MPDZ: variants seen among roughly 807,000 people sequenced by gnomAD.
The protein encoded by MPDZ is multiple PDZ domain protein.
In MPDZ, 234 loss-of-function variants were observed where a neutral mutation model predicts 239.1. That is an observed-to-expected ratio of 0.98 (90% CI 0.88 to 1.09). MPDZ has a LOEUF of 1.09. Among genes scored for constraint, MPDZ ranks in the 50% least tolerant of loss-of-function variants. MPDZ has a pLI of 0.00. For synonymous variants in MPDZ, 1,048 were observed against 881.3 expected (o/e 1.19, Z -3.35); for missense variants, 3,175 against 2,510.0 (o/e 1.26, Z -5.66).
Position 13,137,966 on chromosome 9 carries a change from C to T in MPDZ, c.4191G>A (p.Glu1397=). Reference sequence around the variant, plus strand: ...TTCCACAAAAACTTACCTCTAGAAGCTCATCTGCAATTTGCAATCGACCAT... The same window carrying T: ...TTCCACAAAAACTTACCTCTAGAAGTTCATCTGCAATTTGCAATCGACCAT... The part of the protein sequence containing the change: ...GKDGRLQIAD[E]LLEINGQILY... The change falls in exon 29 of 47, where the codon GAG becomes GAA. Residue 1397 remains glutamate (E), a synonymous_variant. Transcript: ENST00000319217. The T allele has an allele frequency of 1.9e-6, 3 of 1,613,684 alleles. No homozygotes were observed. Among genetic ancestry groups the T allele is most frequent in the Non-Finnish European group, 2.5e-6 (3 of 1,179,726 alleles).
chr9:13,197,173 A>ATG (rs1354169023), intron 12 of MPDZ, among the ~76,000 whole-genome samples: 1 of 151,398 alleles, frequency 6.6e-6, no homozygotes, highest in Non-Finnish European at 1.5e-5. Context: ...ATATATATAT[A>ATG]TATTTTTAGT....
intron 32 of MPDZ, among the ~76,000 whole-genome samples, chr9:13,132,672 T>C (rs1050145392): frequency 2.6e-5 from 4 of 152,172 alleles, no homozygotes; most frequent in Non-Finnish European, 5.9e-5. Flanking sequence ...AAACTGAACA[T>C]ATGTATATTT....
At chr9:13,160,240 C>T (rs1252701389) in intron 23 of MPDZ, among the ~76,000 whole-genome samples, 3 of 152,200 alleles carry the variant, frequency 2.0e-5, no homozygotes, top group South Asian at 4.1e-4. Context: ...TTACATTCTA[C>T]ACTTGGCTCT....
At chr9:13,133,552 C>T (rs933300065) in intron 32 of MPDZ, among the ~76,000 whole-genome samples, 30 of 152,122 alleles carry the variant, frequency 2.0e-4, no homozygotes, top group African/African-American at 6.8e-4. Context: ...TATAAAAGGG[C>T]AAGCTGGACC....
chr9:13,150,779 A>G (rs1337403120), intron 24 of MPDZ, 91 bp from the exon 25 acceptor site: 1 of 809,086 alleles, frequency 1.2e-6, no homozygotes, highest in Admixed American at 4.3e-5. Context: ...CTTATATATA[A>G]CACCAAAGGC....
intron 1 of MPDZ, among the ~76,000 whole-genome samples, chr9:13,270,067 A>C (rs1313881843): frequency 6.6e-6 from 1 of 152,180 alleles, no homozygotes; most frequent in African/African-American, 2.4e-5. Context: ...AAGCATTTTA[A>C]AAGGGCTTAT....
intron 3 of MPDZ, among the ~76,000 whole-genome samples, chr9:13,238,335 C>T (rs940559248): frequency 6.6e-6 from 1 of 152,186 alleles, no homozygotes; most frequent in Non-Finnish European, 1.5e-5. Context: ...AATAAGATTA[C>T]AGTGGGGTGA....
At position 13,236,597 on chromosome 9, in the gene MPDZ, T is replaced by C. The variant is rs929691533; in HGVS notation, c.183+11038A>G. The stretch of plus-strand genomic sequence containing the variant: ...TGCCCAGCCCTCCATGTGTATTTTA[T>C]AAACTCGTTTTCTTCTTCTTTAAGA... On this transcript the variant is annotated intron_variant, in intron 3 of 46. Coordinates refer to ENST00000319217, the MANE Select transcript of MPDZ (RefSeq NM_001378778.1). Among the ~76,000 whole-genome samples, 10 of 151,826 alleles carry C rather than the reference T, an allele frequency of 6.6e-5. 1 individual carries two copies. The highest frequency in any genetic ancestry group is 1.0e-4 in the Non-Finnish European group (7 of 67,966).
intron 34 of MPDZ, among the ~76,000 whole-genome samples, chr9:13,125,639 T>G (rs1253233021): frequency 6.6e-6 from 1 of 152,142 alleles, no homozygotes; most frequent in African/African-American, 2.4e-5. Flanking sequence ...TGACCACATT[T>G]TTTTCTTATA....
At chr9:13,278,031 C>G (rs1974629622) in intron 1 of MPDZ, among the ~76,000 whole-genome samples, 1 of 152,168 alleles carries the variant, frequency 6.6e-6, no homozygotes, top group Non-Finnish European at 1.5e-5. Flanking sequence ...ATCACCTCCT[C>G]CTCGTTAGTT....
chr9:13,176,907 A>T (rs756290338), intron 19 of MPDZ, among the ~76,000 whole-genome samples: 1 of 152,166 alleles, frequency 6.6e-6, no homozygotes, highest in Non-Finnish European at 1.5e-5. Flanking sequence ...ATAGGCATTT[A>T]TAAGTATTTA....
In MPDZ at chr9:13,224,393, A is replaced by T; in HGVS notation, c.374T>A (p.Leu125His). ...TCTTACCTGGGCCATATTTTTGATA[A>T]GCTGATCAAATTCATCACAAGCAGG... The part of the protein sequence containing the change: ...GKPACDEFDQ[L>H]IKNMAQGRHV... The change falls in exon 4 of 47, where the codon CTT (leucine) becomes CAT (histidine). Residue 125 changes from leucine to histidine, a missense_variant. Leu to His is a moderately conservative substitution (Grantham distance 99). Transcript: ENST00000319217. 6.2e-7 allele frequency: 1 copy of T among 1,612,298 alleles called. No homozygotes were observed. Among genetic ancestry groups the T allele is most frequent in the Non-Finnish European group, 8.5e-7 (1 of 1,178,970 alleles).
chr9:13,186,377 C>T lies in MPDZ; in HGVS notation c.2374G>A (p.Glu792Lys). The T allele has an allele frequency of 6.4e-7, 1 of 1,564,852 alleles. No homozygotes were observed. Among genetic ancestry groups the T allele is most frequent in the Non-Finnish European group, 8.7e-7 (1 of 1,151,862 alleles). ...TCCTTAGCAGAAACATAACCTTCTT[C>T]TGGTGAAAGCTGCAGGGAAAAAATG... ...GVAKPLPLSP[E>K]EGYVSAKEDS... Residue 792 changes from glutamate (E) to lysine (K), a missense_variant, in exon 18 of 47, where the codon GAA becomes AAA. Transcript: ENST00000319217.
chr9:13,122,171 C>T lies in MPDZ; in HGVS notation c.4954-1G>A. The T allele has an allele frequency of 6.2e-7, 1 of 1,613,746 alleles. No homozygotes were observed. The highest frequency in any genetic ancestry group is 8.5e-7 in the Non-Finnish European group (1 of 1,179,778). The stretch of plus-strand genomic sequence containing the variant: ...AAACTTCATGGATAATAATGGCACC[C>T]TAAGGGCCCAAACAAAACATACCCA... On this transcript the variant is annotated splice_acceptor_variant, in intron 36 of 46. Coordinates refer to ENST00000319217, the MANE Select transcript of MPDZ (RefSeq NM_001378778.1). LOFTEE classifies it high-confidence loss of function.
chr9:13,232,916 C>A (rs1587993593), intron 3 of MPDZ, among the ~76,000 whole-genome samples: 1 of 146,044 alleles, frequency 6.8e-6, no homozygotes, highest in African/African-American at 2.5e-5. Flanking sequence ...ATCCAAATGA[C>A]CAATCCCATA....
rs188392563 is a variant in MPDZ at position 13,188,797 on chromosome 9, G to A, written c.2351C>T (p.Ala784Val). 9 of 1,613,014 alleles carry A rather than the reference G, an allele frequency of 5.6e-6. No individual in the cohort carries two copies. The East Asian group carries it at 1.8e-4, about 32-fold the overall frequency. The change falls in exon 17 of 47, where the codon GCT (alanine) becomes GTT (valine). Residue 784 changes from alanine to valine, a missense_variant. Ala to Val is a moderately conservative substitution (Grantham distance 64). Coordinates refer to ENST00000319217, the MANE Select transcript of MPDZ (RefSeq NM_001378778.1). The stretch of plus-strand genomic sequence containing the variant: ...CTGAATTCTTACGGGTAAAGGCTTA[G>A]CAACTCCTATTCTCACAGTCCCTGA... ...APSGTVRIGV[A>V]KPLPLSPEEG...
chr9:13,142,176 A>G (rs187573029), intron 27 of MPDZ, among the ~76,000 whole-genome samples: 4 of 152,288 alleles, frequency 2.6e-5, no homozygotes, highest in Admixed American at 1.3e-4. Flanking sequence ...ACAAATCTAT[A>G]GATGACATTT....
rs1210155684 is a variant in MPDZ, at chr9:13,188,800, A to G, written c.2348T>C (p.Val783Ala). The change falls in exon 17 of 47, where the codon GTT becomes GCT. Residue 783 changes from valine (V) to alanine (A), a missense_variant. By Grantham distance (64) the Val-to-Ala change is moderately conservative. Coordinates refer to ENST00000319217, the MANE Select transcript of MPDZ (RefSeq NM_001378778.1). ...GAPSGTVRIG[V>A]AKPLPLSPEE... ...AATTCTTACGGGTAAAGGCTTAGCA[A>G]CTCCTATTCTCACAGTCCCTGACGG... 6.2e-7 allele frequency: 1 copy of G among 1,612,934 alleles called. No individual in the cohort carries two copies. The highest frequency in any genetic ancestry group is 1.1e-5 in the South Asian group (1 of 91,000).
At chr9:13,221,288 T>A in intron 7 of MPDZ, 84 bp downstream of exon 7, 1 of 1,401,282 alleles carries the variant, frequency 7.1e-7, no homozygotes, top group Non-Finnish European at 9.4e-7. Flanking sequence ...AAGGCCAAAG[T>A]TTCTTCTTTC....
Sources: gnomAD v4.1 joint callset for allele counts (sites outside exome capture counted in the v4.1 genomes callset) on GRCh38, gnomAD v4.1.1 for gene constraint, MANE v1.5 for transcripts, NCBI Gene and HGNC (gene_info 2026-07-23, HGNC 2026-07-21) for gene names.